SPAG16: variants seen among roughly 807,000 people sequenced by gnomAD.
SPAG16 encodes sperm-associated antigen 16 protein.
A neutral mutation model predicts 80.4 loss-of-function variants in SPAG16; 86 were observed. The observed-to-expected ratio is 1.07, with a 90% CI of 0.90 to 1.28. SPAG16 has a LOEUF of 1.28. SPAG16 is among the 50% of genes most tolerant of loss of function. The pLI is 0.00. For missense variants in SPAG16, 870 were observed against 765.3 expected (o/e 1.14, Z -1.61); for synonymous variants, 294 against 265.9 (o/e 1.11, Z -1.03).
At chr2:213,412,097 T>G (rs1229630146) in intron 9 of SPAG16, among the ~76,000 whole-genome samples, 1 of 152,094 alleles carries the variant, frequency 6.6e-6, no homozygotes, top group African/African-American at 2.4e-5. Context: ...TGACTCATTC[T>G]GATCACCTAC....
rs535372758 is a variant in SPAG16, at chr2:213,987,384, G to A, written c.1401-26567G>A. On this transcript the variant is annotated intron_variant, in intron 12 of 15. Coordinates refer to ENST00000331683, the MANE Select transcript of SPAG16 (RefSeq NM_024532.5). Reference sequence around the variant, plus strand: ...AGTCTGAATTTTGGATCTAGCAATCGTGTAATTTAGATCTTGTTTAATGGT... The same window carrying A: ...AGTCTGAATTTTGGATCTAGCAATCATGTAATTTAGATCTTGTTTAATGGT... Among the ~76,000 whole-genome samples, 116 of 152,100 alleles carry A rather than the reference G, an allele frequency of 7.6e-4. 1 individual carries two copies. The South Asian group carries it at 0.021, about 27-fold the overall frequency.
intron 10 of SPAG16, among the ~76,000 whole-genome samples, chr2:213,663,723 A>G (rs1034904767): frequency 6.6e-6 from 1 of 152,122 alleles, no homozygotes; most frequent in East Asian, 1.9e-4. Context: ...TGTAACAGCA[A>G]CTAAATATCT....
intron 12 of SPAG16, among the ~76,000 whole-genome samples, chr2:213,989,378 G>A (rs1274357675): frequency 3.3e-5 from 5 of 152,142 alleles, no homozygotes; most frequent in Non-Finnish European, 7.4e-5. Context: ...GAATGGAAAA[G>A]CAAGTGCCAG....
intron 10 of SPAG16, among the ~76,000 whole-genome samples, chr2:213,857,267 A>T (rs1226270318): frequency 6.6e-6 from 1 of 152,202 alleles, no homozygotes; most frequent in Non-Finnish European, 1.5e-5. Flanking sequence ...CTTTATTGGA[A>T]GAACATATTA....
chr2:214,160,176 G>A lies in SPAG16; in HGVS notation c.1720+10910G>A, dbSNP rs76551714. Among the ~76,000 whole-genome samples, 1,202 of 144,408 alleles carry A rather than the reference G, an allele frequency of 8.3e-3. 19 individuals carry two copies. The highest frequency in any genetic ancestry group is 0.026 in the African/African-American group (1,089 of 41,326). The allele number at this position is 144,408 out of a possible 152,430, so 94.7% of individuals were successfully genotyped here. A position where few individuals can be genotyped will look rare whatever the true frequency, so the allele number is the denominator to read the frequency against. On this transcript the variant is annotated intron_variant, in intron 15 of 15. Transcript: ENST00000331683. ...AGAATAGCATGTATTTGAAGGTGGA[G>A]AAAAAAGATGGGCATTCCTATAATA...
chr2:213,413,167 A>T (rs1393903950), intron 9 of SPAG16, among the ~76,000 whole-genome samples: 2 of 152,172 alleles, frequency 1.3e-5, no homozygotes, highest in African/African-American at 2.4e-5. Context: ...TTGCATTACC[A>T]TTCTTGTTGC....
intron 12 of SPAG16, among the ~76,000 whole-genome samples, chr2:214,004,681 G>C (rs2046949017): frequency 6.6e-6 from 1 of 151,868 alleles, no homozygotes; most frequent in South Asian, 2.1e-4. Context: ...GCAGCCATGA[G>C]CTTCCCCAGG....
At chr2:213,967,238 G>A (rs774431634) in intron 12 of SPAG16, among the ~76,000 whole-genome samples, 24 of 152,084 alleles carry the variant, frequency 1.6e-4, no homozygotes, top group Non-Finnish European at 3.2e-4. Context: ...ATTGTATTCT[G>A]TCGGACAAAA....
At chr2:214,014,885 G>C (rs901613343) in intron 13 of SPAG16, among the ~76,000 whole-genome samples, 3 of 152,202 alleles carry the variant, frequency 2.0e-5, no homozygotes, top group Non-Finnish European at 4.4e-5. Flanking sequence ...AGGGGTTACA[G>C]TCTGCAGGGT....
At chr2:214,208,312 G>A (rs2058201283) in intron 15 of SPAG16, among the ~76,000 whole-genome samples, 1 of 152,094 alleles carries the variant, frequency 6.6e-6, no homozygotes, top group African/African-American at 2.4e-5. Flanking sequence ...GAGAGAAATG[G>A]AATTTTAAGG....
At chr2:213,375,390 A>G (rs2066837126) in intron 9 of SPAG16, among the ~76,000 whole-genome samples, 2 of 151,982 alleles carry the variant, frequency 1.3e-5, no homozygotes, top group African/African-American at 4.8e-5. Flanking sequence ...CTCACCTGCT[A>G]ACTTTTCTGC....
intron 10 of SPAG16, among the ~76,000 whole-genome samples, chr2:213,858,157 A>G (rs2075258708): frequency 6.6e-6 from 1 of 152,356 alleles, no homozygotes; most frequent in East Asian, 1.9e-4. Flanking sequence ...TTTCATAAAC[A>G]TATTTGATAA....
intron 12 of SPAG16, among the ~76,000 whole-genome samples, chr2:214,012,288 A>ATATATATATTTTTTTT (rs1553694500): frequency 4.3e-5 from 2 of 46,806 alleles, no homozygotes; most frequent in African/African-American, 2.5e-4. Flanking sequence ...ATATATATAT[A>ATATATATATTTTTTTT]TTTTTTTTTT....
At chr2:213,766,095 C>T (rs977955404) in intron 10 of SPAG16, among the ~76,000 whole-genome samples, 2 of 152,146 alleles carry the variant, frequency 1.3e-5, no homozygotes, top group African/African-American at 2.4e-5. Flanking sequence ...TTGGGAATTC[C>T]GTATTCAAGG....
intron 15 of SPAG16, among the ~76,000 whole-genome samples, chr2:214,381,558 T>C (rs1332365466): frequency 6.6e-6 from 1 of 152,242 alleles, no homozygotes; most frequent in African/African-American, 2.4e-5. Context: ...GAATATAATG[T>C]AGAAATCAGA....
chr2:213,767,674 C>CACAT (rs2069015253), intron 10 of SPAG16, among the ~76,000 whole-genome samples: 1 of 150,374 alleles, frequency 6.7e-6, no homozygotes, highest in Non-Finnish European at 1.5e-5. Flanking sequence ...CACACACACA[C>CACAT]ACACAAAATC....
intron 10 of SPAG16, among the ~76,000 whole-genome samples, chr2:213,654,048 C>T (rs372261709): frequency 1.3e-5 from 2 of 152,040 alleles, no homozygotes; most frequent in African/African-American, 4.8e-5. Context: ...TGATAGACTA[C>T]AGAGTTGATG....
At chr2:213,701,017 G>A (rs751071491) in intron 10 of SPAG16, among the ~76,000 whole-genome samples, 45 of 152,046 alleles carry the variant, frequency 3.0e-4, no homozygotes, top group South Asian at 2.1e-4. Context: ...TGAGGCAGGC[G>A]GATCACTAGG....
chr2:213,798,061 ACTC>A (rs1417665662), intron 10 of SPAG16, among the ~76,000 whole-genome samples: 1 of 151,398 alleles, frequency 6.6e-6, no homozygotes, highest in African/African-American at 2.4e-5. Context: ...CCTAATGACT[ACTC>A]CTGAGTACCT....
Sources: allele counts gnomAD v4.1 joint callset (sites outside exome capture counted in the v4.1 genomes callset), GRCh38; gene constraint gnomAD v4.1.1; transcripts MANE v1.5; gene names NCBI Gene and HGNC (gene_info 2026-07-23, HGNC 2026-07-21).